PTPN3: variants seen among roughly 807,000 people sequenced by gnomAD.
PTPN3 encodes the protein protein tyrosine phosphatase non-receptor type 3, also known as tyrosine-protein phosphatase non-receptor type 3.
A neutral mutation model predicts 132.7 loss-of-function variants in PTPN3; 96 were observed. That is an observed-to-expected ratio of 0.72 (90% CI 0.61 to 0.86). The LOEUF (loss-of-function observed/expected upper bound fraction) is 0.86. Among genes scored for constraint, PTPN3 ranks in the 40% least tolerant of loss-of-function variants. The probability of loss-of-function intolerance (pLI) is 0.00; values close to 1 mark genes in which losing one functional copy is unlikely to be tolerated. For missense variants in PTPN3, 1,125 were observed against 1,159.6 expected, an observed-to-expected ratio of 0.97 and a Z score of 0.43; for synonymous variants, 398 against 429.0, an observed-to-expected ratio of 0.93 and a Z score of 0.89.
chr9:109,378,844 C>T lies in PTPN3; in HGVS notation c.*712G>A, dbSNP rs1838783621. ...CAACTAAGCCACAAGATGACCAGAA[C>T]ACACTGAGAGTACCAGTTCTCAGAG... is the stretch of plus-strand genomic sequence containing the variant. On this transcript the variant is annotated 3_prime_UTR_variant, in exon 26 of 26. Coordinates refer to ENST00000374541, the MANE Select transcript of PTPN3 (RefSeq NM_002829.4). 5 of 152,840 alleles carry T rather than the reference C, an allele frequency of 3.3e-5. No individual in the cohort carries two copies. In the South Asian group the frequency reaches 8.3e-4, roughly 25 times the overall value. 9.5% of individuals were successfully genotyped at this position (152,840 alleles called of 1,614,324 possible). A position where few individuals can be genotyped will look rare whatever the true frequency, so the allele number is the denominator to read the frequency against.
Position 109,408,788 on chromosome 9 carries a change from A to ATATAC in PTPN3, c.1579-412_1579-411insGTATA, listed in dbSNP as rs1300361920. Among the ~76,000 whole-genome samples the ATATAC allele has an allele frequency of 5.7e-5, 3 of 52,846 alleles. No homozygotes were observed. In the Admixed American group the frequency reaches 5.8e-4, roughly 10 times the overall value. The allele number at this position is 52,846 out of a possible 152,430, so 34.7% of individuals were successfully genotyped here. The stretch of plus-strand genomic sequence containing the variant: ...CCTAGAACTTATAATAATTAAAAAA[A>ATATAC]AAAAAAAAATATATATATATATATA... On this transcript the variant is annotated intron_variant, in intron 16 of 25. Coordinates refer to ENST00000374541, the MANE Select transcript of PTPN3 (RefSeq NM_002829.4).
At chr9:109,532,863 G>A in the PTPN3 span, 18 of 953,348 alleles carry the variant, frequency 1.9e-5, no homozygotes, top group South Asian at 2.8e-5. Context: ...CCTCGGGAGC[G>A]GACTAATTCT....
At chr9:109,515,936 C>G in the PTPN3 span, among the ~76,000 whole-genome samples, 1 of 152,158 alleles carries the variant, frequency 6.6e-6, no homozygotes, top group Non-Finnish European at 1.5e-5. Context: ...GACACGTATC[C>G]AAACTGTATC....
chr9:109,532,117 C>G, the PTPN3 span, among the ~76,000 whole-genome samples: 1 of 152,084 alleles, frequency 6.6e-6, no homozygotes, highest in African/African-American at 2.4e-5. Flanking sequence ...ACTGGGTGAC[C>G]AAATGTTCCG....
At chr9:109,535,287 A>T in the PTPN3 span, among the ~76,000 whole-genome samples, 1 of 152,166 alleles carries the variant, frequency 6.6e-6, no homozygotes, top group African/African-American at 2.4e-5. Context: ...CAGACTCCAC[A>T]TATCGTTTCC....
At chr9:109,458,581 A>T (rs979874465) in intron 2 of PTPN3, among the ~76,000 whole-genome samples, 10 of 152,166 alleles carry the variant, frequency 6.6e-5, no homozygotes, top group African/African-American at 2.4e-4. Context: ...GTCAGGCCCC[A>T]CCTGCAGAGA....
In PTPN3 at chr9:109,449,596, G is replaced by A. The variant is rs539670700; in HGVS notation, c.369-741C>T. On this transcript the variant is annotated intron_variant, in intron 5 of 25. Coordinates refer to ENST00000374541, the MANE Select transcript of PTPN3 (RefSeq NM_002829.4). ...GAAAGGAGGCCTTCGGCAGCATTGCGCAGGTCAGGAAGCGCCCTGGGGAGA... is the reference window on the plus strand; with the variant it reads ...GAAAGGAGGCCTTCGGCAGCATTGCACAGGTCAGGAAGCGCCCTGGGGAGA... 2.2e-4 allele frequency: 218 copies of A among 985,450 alleles called. 1 individual carries two copies. The East Asian group carries it at 6.1e-3, about 28-fold the overall frequency. The allele number at this position is 985,450 out of a possible 1,614,324, so 61.0% of individuals were successfully genotyped here. A position where few individuals can be genotyped will look rare whatever the true frequency, so the allele number is the denominator to read the frequency against.
At chr9:109,492,776 A>G (rs745541914) in intron 1 of PTPN3, among the ~76,000 whole-genome samples, 1 of 152,228 alleles carries the variant, frequency 6.6e-6, no homozygotes, top group Non-Finnish European at 1.5e-5. Context: ...ACCTAAAACC[A>G]GTTTTATTTA....
intron 19 of PTPN3, among the ~76,000 whole-genome samples, chr9:109,397,921 C>T (rs1311802810): frequency 6.6e-6 from 1 of 151,880 alleles, no homozygotes; most frequent in Non-Finnish European, 1.5e-5. Context: ...GTTTTCTTTC[C>T]TTAAAAAACA....
chr9:109,535,949 C>T, the PTPN3 span, among the ~76,000 whole-genome samples: 2 of 152,130 alleles, frequency 1.3e-5, no homozygotes, highest in East Asian at 1.9e-4. Context: ...GTGCAACCGT[C>T]ACTACTGTCT....
At chr9:109,425,258 G>A (rs1843162649) in intron 12 of PTPN3, among the ~76,000 whole-genome samples, 1 of 152,182 alleles carries the variant, frequency 6.6e-6, no homozygotes, top group Non-Finnish European at 1.5e-5. Flanking sequence ...CAGTTTACAA[G>A]TTCCCTAATG....
intron 9 of PTPN3, 104 bp downstream of exon 9, chr9:109,436,779 C>G: frequency 1.4e-6 from 2 of 1,446,294 alleles, no homozygotes; most frequent in Non-Finnish European, 1.8e-6. Context: ...TTAAAAAGTC[C>G]TGTTATAATG....
chr9:109,413,633 T>C (rs1475773266), intron 14 of PTPN3, among the ~76,000 whole-genome samples: 2 of 151,832 alleles, frequency 1.3e-5, no homozygotes, highest in Non-Finnish European at 2.9e-5. Context: ...ATGGAGCCAA[T>C]GACAAGGGGG....
chr9:109,490,217 C>A (rs1014400758), intron 1 of PTPN3, among the ~76,000 whole-genome samples: 1 of 151,558 alleles, frequency 6.6e-6, no homozygotes, highest in Admixed American at 6.6e-5. Context: ...CAAAAAAAAC[C>A]CCACATCACT....
chr9:109,516,482 G>T, the PTPN3 span, among the ~76,000 whole-genome samples: 1 of 152,180 alleles, frequency 6.6e-6, no homozygotes, highest in Non-Finnish European at 1.5e-5. Flanking sequence ...TTGGAAGAAG[G>T]TGAACAAGCA....
At chr9:109,449,789 G>A in intron 5 of PTPN3, 1 of 985,448 alleles carries the variant, frequency 1.0e-6, no homozygotes, top group Non-Finnish European at 1.2e-6. Context: ...GGGCAGGAGA[G>A]AAATAATTTT....
At chr9:109,412,182 T>C (rs1842124071) in intron 14 of PTPN3, among the ~76,000 whole-genome samples, 1 of 152,010 alleles carries the variant, frequency 6.6e-6, no homozygotes, top group Admixed American at 6.6e-5. Context: ...TCTGTCTCCC[T>C]CTCTCTCCCT....
chr9:109,431,290 A>T (rs979689661), intron 10 of PTPN3, among the ~76,000 whole-genome samples: 1 of 152,210 alleles, frequency 6.6e-6, no homozygotes, highest in Non-Finnish European at 1.5e-5. Context: ...TGGGACCCAC[A>T]TCTTCTCCAC....
intron 5 of PTPN3, chr9:109,450,818 C>T (rs1016456517): frequency 1.0e-6 from 1 of 985,336 alleles, no homozygotes; most frequent in Non-Finnish European, 1.2e-6. Context: ...GGTACCCCAC[C>T]TGTGACCTCA....
Sources: allele counts gnomAD v4.1 joint callset (sites outside exome capture counted in the v4.1 genomes callset), GRCh38; gene constraint gnomAD v4.1.1; transcripts MANE v1.5; gene names NCBI Gene and HGNC (gene_info 2026-07-23, HGNC 2026-07-21).